FANCD2: variants seen among roughly 807,000 people sequenced by gnomAD.
The protein encoded by FANCD2 is Fanconi anemia group D2 protein.
Under a neutral mutation model 192.3 loss-of-function variants are expected in FANCD2, and 131 were observed. The ratio of observed to expected loss-of-function variants is 0.68; its 90% CI spans 0.59 to 0.79. The LOEUF (loss-of-function observed/expected upper bound fraction) is 0.79, where lower values mean the gene tolerates loss of function less well. Ranked by LOEUF, FANCD2 falls within the 30% of genes least tolerant of loss-of-function variation. The pLI, the probability that FANCD2 is intolerant of heterozygous loss-of-function variation, is 0.00. For synonymous variants in FANCD2, 524 were observed against 612.5 expected, an observed-to-expected ratio of 0.86 and a Z score of 2.13; for missense variants, 1,508 against 1,701.6, an observed-to-expected ratio of 0.89 and a Z score of 2.00.
At chr3:10,074,977 G>A (rs1405327906) in intron 29 of FANCD2, among the ~76,000 whole-genome samples, 1 of 152,040 alleles carries the variant, frequency 6.6e-6, no homozygotes, top group African/African-American at 2.4e-5. Flanking sequence ...GCACTCTTCT[G>A]GTTCTTAGAA....
intron 25 of FANCD2, among the ~76,000 whole-genome samples, 197 bp downstream of exon 25, chr3:10,066,176 A>G (rs551760689): frequency 9.8e-5 from 15 of 152,312 alleles, no homozygotes; most frequent in African/African-American, 3.6e-4. Flanking sequence ...AATTCACTTC[A>G]CATTGCCCAT....
chr3:10,056,910 A>G (rs2087428417), intron 18 of FANCD2, among the ~76,000 whole-genome samples: 1 of 152,006 alleles, frequency 6.6e-6, no homozygotes, highest in South Asian at 2.1e-4. Flanking sequence ...ATTGGAGTAC[A>G]GTGGTGTTAT....
chr3:10,058,722 A>G (rs935799381), intron 18 of FANCD2, among the ~76,000 whole-genome samples: 11 of 152,206 alleles, frequency 7.2e-5, no homozygotes, highest in African/African-American at 2.7e-4. Flanking sequence ...TCCTTCTGCC[A>G]TCACCACACT....
chr3:10,046,588 C>G lies in FANCD2; in HGVS notation c.1143C>G (p.Asp381Glu), dbSNP rs376349741. 1 of 1,614,156 alleles carries G rather than the reference C, an allele frequency of 6.2e-7. No homozygotes were observed. The highest frequency in any genetic ancestry group is 8.5e-7 in the Non-Finnish European group (1 of 1,179,952). The change falls in exon 15 of 44, where the codon GAC becomes GAG. Residue 381 changes from aspartate to glutamate, a missense_variant. Coordinates refer to ENST00000675286, the MANE Select transcript of FANCD2 (RefSeq NM_001018115.3). The stretch of plus-strand genomic sequence containing the variant: ...ATATTTATTGACAATAGGTGTTTGA[C>G]CTGGTGATGCTTTTCATCATCTATA... ...TASVSEHKVF[D>E]LVMLFIIYST...
rs531937609 is a variant in FANCD2 at position 10,075,498 on chromosome 3, A to G, written c.2859+825A>G. 8.6e-4 allele frequency among the ~76,000 whole-genome samples: 130 copies of G among 152,030 alleles called. 1 individual carries two copies. Among genetic ancestry groups the G allele is most frequent in the South Asian group, 7.5e-3 (36 of 4,820 alleles). On this transcript the variant is annotated intron_variant, in intron 29 of 43. Transcript: ENST00000675286. ...CGTGCCCGGCCCCATAGCTTTATTGATGCCAAATACGGCATTAATGGTCTG... is the reference window on the plus strand; with the variant it reads ...CGTGCCCGGCCCCATAGCTTTATTGGTGCCAAATACGGCATTAATGGTCTG...
chr3:10,054,473 ATTTT>A (rs55719769), intron 18 of FANCD2, among the ~76,000 whole-genome samples: 3 of 8,404 alleles, frequency 3.6e-4, no homozygotes, highest in African/African-American at 6.9e-4. Flanking sequence ...ATATATATAT[ATTTT>A]TTTTTTTTTT....
chr3:10,038,143 A>G (rs540907535), intron 7 of FANCD2, among the ~76,000 whole-genome samples: 2 of 152,070 alleles, frequency 1.3e-5, no homozygotes, highest in South Asian at 4.1e-4. Context: ...GGTGTGCGCC[A>G]CCACACCCAG....
At chr3:10,098,930 C>G in intron 43 of FANCD2, 115 bp downstream of exon 43, 1 of 1,614,148 alleles carries the variant, frequency 6.2e-7, no homozygotes, top group Non-Finnish European at 8.5e-7. Context: ...GCTTCTATGC[C>G]CATTTCCATT....
At chr3:10,080,652 T>C (rs1394468708) in intron 30 of FANCD2, among the ~76,000 whole-genome samples, 1 of 152,170 alleles carries the variant, frequency 6.6e-6, no homozygotes, top group Non-Finnish European at 1.5e-5. Flanking sequence ...GTGCCTGTGG[T>C]CTCAGATACT....
At chr3:10,050,353 G>A (rs187675742) in intron 17 of FANCD2, among the ~76,000 whole-genome samples, 18 of 152,180 alleles carry the variant, frequency 1.2e-4, no homozygotes, top group East Asian at 1.2e-3. Context: ...GTCCGGGTGC[G>A]GTGGCTCATG....
intron 18 of FANCD2, 52 bp downstream of exon 18, chr3:10,052,549 G>GGAGACAGAGCTAGA: frequency 1.6e-6 from 2 of 1,223,476 alleles, no homozygotes; most frequent in Non-Finnish European, 2.4e-6. Flanking sequence ...ACAGAGTCTA[G>GGAGACAGAGCTAGA]CTCTGTCTCC....
Position 10,098,431 on chromosome 3 carries a change from G to A in FANCD2, c.4186-289G>A, listed in dbSNP as rs2272123. Among the ~76,000 whole-genome samples the A allele has an allele frequency of 0.21, 31,519 of 151,856 alleles. 3,963 individuals are homozygous for A. The highest frequency in any genetic ancestry group is 0.35 in the African/African-American group (14,667 of 41,410). Reference sequence around the variant, plus strand: ...AAATTTTAGAACCATGTTCAGCATCGACTTAGAGTCACCAATACAGTCTAG... The same window carrying A: ...AAATTTTAGAACCATGTTCAGCATCAACTTAGAGTCACCAATACAGTCTAG... On this transcript the variant is annotated intron_variant, in intron 42 of 43. Transcript: ENST00000675286.
At position 10,029,777 on chromosome 3, in the gene FANCD2, C is replaced by G. The variant is rs1221734479; in HGVS notation, c.64+1056C>G. On this transcript the variant is annotated intron_variant, in intron 2 of 43. Transcript: ENST00000675286. ...AGTATCCAAAGTCCATTATATCATT[C>G]TTGTTGTTGTTGTTGTTGTTGTTTG... 1.3e-5 allele frequency among the ~76,000 whole-genome samples: 2 copies of G among 151,774 alleles called. 1 individual carries two copies. Among genetic ancestry groups the G allele is most frequent in the Admixed American group, 1.3e-4 (2 of 15,204 alleles).
chr3:10,098,518 G>T (rs1266612295), intron 42 of FANCD2, among the ~76,000 whole-genome samples: 1 of 152,092 alleles, frequency 6.6e-6, no homozygotes, highest in Admixed American at 6.6e-5. Flanking sequence ...ATTACTTATT[G>T]TATCAGGGCC....
chr3:10,038,832 T>C (rs1157457216), intron 7 of FANCD2, among the ~76,000 whole-genome samples: 1 of 152,018 alleles, frequency 6.6e-6, no homozygotes, highest in East Asian at 1.9e-4. Context: ...CTGCCCACCT[T>C]GGCCTCCCAA....
Position 10,067,195 on chromosome 3 carries a change from T to A in FANCD2, c.2386-14T>A. 6.6e-7 allele frequency: 1 copy of A among 1,512,576 alleles called. No individual in the cohort carries two copies. The highest frequency in any genetic ancestry group is 9.2e-7 in the Non-Finnish European group (1 of 1,088,602). The allele number at this position is 1,512,576 out of a possible 1,614,324, so 93.7% of individuals were successfully genotyped here. A position where few individuals can be genotyped will look rare whatever the true frequency, so the allele number is the denominator to read the frequency against. On this transcript the variant is annotated splice_polypyrimidine_tract_variant and intron_variant, in intron 25 of 43. Coordinates refer to ENST00000675286, the MANE Select transcript of FANCD2 (RefSeq NM_001018115.3). Reference sequence around the variant, plus strand: ...AACATTTGGAAGTATGAGAATGTAATTTGTACTTTGCAGATTGTAAATGCC... The same window carrying A: ...AACATTTGGAAGTATGAGAATGTAAATTGTACTTTGCAGATTGTAAATGCC...
intron 26 of FANCD2, among the ~76,000 whole-genome samples, chr3:10,071,864 A>G (rs1162475616): frequency 2.0e-5 from 3 of 152,082 alleles, no homozygotes; most frequent in African/African-American, 7.2e-5. Flanking sequence ...GGTTCAAGCA[A>G]TTCTCCTGCC....
At chr3:10,089,090 A>G (rs908467448) in intron 36 of FANCD2, 140 bp downstream of exon 36, 6 of 927,742 alleles carry the variant, frequency 6.5e-6, no homozygotes, top group African/African-American at 1.6e-5. Flanking sequence ...TTTGAGACCC[A>G]CTTGGCCAAC....
Position 10,073,335 on chromosome 3 carries a change from G to T in FANCD2, c.2688G>T (p.Thr896=). The T allele has an allele frequency of 6.2e-7, 1 of 1,613,146 alleles. No individual in the cohort carries two copies. The highest frequency in any genetic ancestry group is 8.5e-7 in the Non-Finnish European group (1 of 1,179,170). ...AGAAAAATTCAGAATGTGACCCTACGCCATCTCATAGAGGCCAGCTAAACA... is the reference window on the plus strand; with the variant it reads ...AGAAAAATTCAGAATGTGACCCTACTCCATCTCATAGAGGCCAGCTAAACA... The part of the protein sequence containing the change: ...SEEKNSECDP[T]PSHRGQLNKE... Residue 896 remains threonine, a synonymous_variant, in exon 28 of 44, where the codon ACG becomes ACT. Transcript: ENST00000675286.
Sources: gnomAD v4.1 joint callset for allele counts (sites outside exome capture counted in the v4.1 genomes callset) on GRCh38, gnomAD v4.1.1 for gene constraint, MANE v1.5 for transcripts, NCBI Gene and HGNC (gene_info 2026-07-23, HGNC 2026-07-21) for gene names.